The following COX10 variants were observed in gnomAD, a reference collection of about 807,000 sequenced individuals.
COX10 encodes the protein cytochrome c oxidase assembly factor heme A:farnesyltransferase COX10, also known as protoheme IX farnesyltransferase, mitochondrial.
A neutral mutation model predicts 37.3 loss-of-function variants in COX10; 27 were observed. The ratio of observed to expected loss-of-function variants is 0.72; its 90% confidence interval spans 0.53 to 1.00. COX10 has a LOEUF of 1.00. Ranked by LOEUF, COX10 falls within the 50% of genes least tolerant of loss-of-function variation. COX10 has a pLI of 0.00. For synonymous variants in COX10, 222 were observed against 229.1 expected, an observed-to-expected ratio of 0.97 and a Z score of 0.28; for missense variants, 475 against 563.2, an observed-to-expected ratio of 0.84 and a Z score of 1.59.
chr17:14,166,785 C>CTTTCTTTTTTTT (rs1905299526), intron 5 of COX10, among the ~76,000 whole-genome samples: 2 of 100,254 alleles, frequency 2.0e-5, no homozygotes, highest in Non-Finnish European at 3.8e-5. Flanking sequence ...CTATTTCTTT[C>CTTTCTTTTTTTT]TTTTTTTTTT....
chr17:14,200,137 C>G (rs1488082469), intron 6 of COX10, among the ~76,000 whole-genome samples: 1 of 152,174 alleles, frequency 6.6e-6, no homozygotes, highest in East Asian at 1.9e-4. Context: ...TGAGAGAAAA[C>G]AAGCCGAAAC....
At chr17:14,174,192 G>T (rs1905578832) in intron 5 of COX10, among the ~76,000 whole-genome samples, 1 of 152,104 alleles carries the variant, frequency 6.6e-6, no homozygotes, top group Non-Finnish European at 1.5e-5. Context: ...GGGCACAGTG[G>T]CTCAGGCCTG....
At chr17:14,185,284 G>T (rs1252741049) in intron 5 of COX10, among the ~76,000 whole-genome samples, 1 of 145,806 alleles carries the variant, frequency 6.9e-6, no homozygotes, top group Admixed American at 6.9e-5. Flanking sequence ...AGAGCCGATG[G>T]TTTTTGTTTT....
At chr17:14,136,436 G>A (rs1904368098) in intron 4 of COX10, among the ~76,000 whole-genome samples, 1 of 151,756 alleles carries the variant, frequency 6.6e-6, no homozygotes, top group Non-Finnish European at 1.5e-5. Context: ...CTTTCTATTA[G>A]CAAAACAAAG....
intron 4 of COX10, among the ~76,000 whole-genome samples, chr17:14,134,627 G>A (rs1916537493): frequency 6.6e-6 from 1 of 151,840 alleles, no homozygotes; most frequent in Admixed American, 6.6e-5. Context: ...AAGAATATGT[G>A]TGGTGTAACA....
At chr17:14,144,538 A>C (rs1025660476) in intron 4 of COX10, among the ~76,000 whole-genome samples, 19 of 152,130 alleles carry the variant, frequency 1.2e-4, no homozygotes, top group Non-Finnish European at 2.8e-4. Context: ...TTTTCTTTTA[A>C]TTTTGCAACC....
rs778572319 is a variant in COX10, at chr17:14,076,991, A to T, written c.434A>T (p.Glu145Val). ...ACAAAAGAGGAAAAGCGGTGGAAAG[A>T]GATGAAGCTGCAAGTGTATGATTTG... The part of the protein sequence containing the change: ...KETKEEKRWK[E>V]MKLQVYDLPG... Residue 145 changes from glutamate to valine, a missense_variant, in exon 3 of 7, where the codon GAG becomes GTG. Around this residue, in one of 5 missense-constraint regions of COX10, gnomAD observed 242 missense variants for 242.5 expected, o/e 1.00. Transcript: ENST00000261643. 1 of 1,613,408 alleles carries T rather than the reference A, an allele frequency of 6.2e-7. No individual in the cohort carries two copies. The highest frequency in any genetic ancestry group is 1.3e-5 in the African/African-American group (1 of 74,646).
chr17:14,108,748 T>A (rs1016347768), intron 4 of COX10, among the ~76,000 whole-genome samples: 2 of 152,196 alleles, frequency 1.3e-5, no homozygotes, highest in South Asian at 2.1e-4. Context: ...TTTACATCTT[T>A]TTAAACTCTG....
chr17:14,136,626 C>A (rs1904378283), intron 4 of COX10, among the ~76,000 whole-genome samples: 1 of 151,946 alleles, frequency 6.6e-6, no homozygotes, highest in Middle Eastern at 3.4e-3. Flanking sequence ...GAATCTCTGA[C>A]CTCAAAATAC....
At chr17:14,132,752 C>A (rs941099255) in intron 4 of COX10, among the ~76,000 whole-genome samples, 3 of 151,200 alleles carry the variant, frequency 2.0e-5, no homozygotes, top group Admixed American at 2.0e-4. Context: ...CAAAGAATAC[C>A]CCTGCTTATT....
chr17:14,156,412 G>T (rs1032071742), intron 4 of COX10, among the ~76,000 whole-genome samples: 1 of 151,996 alleles, frequency 6.6e-6, no homozygotes, highest in African/African-American at 2.4e-5. Context: ...TGTGTTTTTA[G>T]TAGAGACGGG....
chr17:14,142,039 T>TTAA (rs1404411073), intron 4 of COX10, among the ~76,000 whole-genome samples: 4 of 152,210 alleles, frequency 2.6e-5, no homozygotes, highest in Admixed American at 6.5e-5. Context: ...CATCATGATT[T>TTAA]TAACATCGTC....
chr17:14,099,977 T>C (rs1403166726), intron 3 of COX10, among the ~76,000 whole-genome samples: 1 of 152,126 alleles, frequency 6.6e-6, no homozygotes, highest in Non-Finnish European at 1.5e-5. Flanking sequence ...AAAGTGCACT[T>C]TTCCATTCAT....
chr17:14,069,662 C>T lies in COX10; in HGVS notation c.43+14C>T. On this transcript the variant is annotated intron_variant, in intron 1 of 6. Coordinates refer to ENST00000261643, the MANE Select transcript of COX10 (RefSeq NM_001303.4). ...GCCTCCTGACAGGTACTGTACCCGC[C>T]TTGGGCACGACCTTGGGGGAAATTC... 1.2e-6 allele frequency: 2 copies of T among 1,614,134 alleles called. No individual in the cohort carries two copies. Among genetic ancestry groups the T allele is most frequent in the Non-Finnish European group, 1.7e-6 (2 of 1,180,004 alleles).
At chr17:14,118,810 GT>G (rs1916168323) in intron 4 of COX10, among the ~76,000 whole-genome samples, 1 of 149,198 alleles carries the variant, frequency 6.7e-6, no homozygotes, top group Non-Finnish European at 1.5e-5. Flanking sequence ...AGATTTTTTA[GT>G]TTCTTTAAAA....
Position 14,131,480 on chromosome 17 carries a change from A to G in COX10, c.625-28397A>G, listed in dbSNP as rs865964026. On this transcript the variant is annotated intron_variant, in intron 4 of 6. Transcript: ENST00000261643. ...TTTTTTATTTTTTATTTATTTTTCT[A>G]TAAGAAATGAATTTTCTCTCATTCA... Among the ~76,000 whole-genome samples, 4 of 151,982 alleles carry G rather than the reference A, an allele frequency of 2.6e-5. No homozygotes were observed. The South Asian group carries it at 6.2e-4, about 24-fold the overall frequency.
intron 4 of COX10, among the ~76,000 whole-genome samples, chr17:14,149,913 A>C (rs1427822629): frequency 6.6e-6 from 1 of 152,114 alleles, no homozygotes; most frequent in African/African-American, 2.4e-5. Flanking sequence ...AGAGCAATAA[A>C]TGTGAGGGAG....
intron 5 of COX10, among the ~76,000 whole-genome samples, chr17:14,167,918 A>G (rs752356070): frequency 2.0e-5 from 3 of 152,234 alleles, no homozygotes; most frequent in Non-Finnish European, 4.4e-5. Context: ...TGTCCTTCTC[A>G]CATTTCAAAA....
intron 4 of COX10, among the ~76,000 whole-genome samples, chr17:14,150,271 CA>C (rs1006516567): frequency 1.5e-4 from 20 of 136,676 alleles, no homozygotes; most frequent in East Asian, 4.2e-4. Context: ...AACCCTGTCT[CA>C]AAAAAAAAAG....
Sources: gnomAD v4.1 joint callset for allele counts (sites outside exome capture counted in the v4.1 genomes callset) on GRCh38, gnomAD v4.1.1 for gene constraint, gnomAD v4.1.1 regional missense constraint, MANE v1.5 for transcripts, NCBI Gene and HGNC (gene_info 2026-07-23, HGNC 2026-07-21) for gene names.